PTPRD: variants seen among roughly 807,000 people sequenced by gnomAD.
The protein encoded by PTPRD is protein tyrosine phosphatase receptor type D, also known as receptor-type tyrosine-protein phosphatase delta.
PTPRD carries 34 observed loss-of-function variants against 214.5 expected under a neutral mutation model. The observed-to-expected ratio is 0.16, with a 90% confidence interval of 0.12 to 0.21. The LOEUF is 0.21. Among genes scored for constraint, PTPRD ranks in the 10% least tolerant of loss-of-function variants. PTPRD has a pLI of 1.00. For synonymous variants in PTPRD, 1,128 were observed against 845.7 expected (o/e 1.33, Z -5.79); for missense variants, 2,545 against 2,398.7 (o/e 1.06, Z -1.27).
chr9:10,120,597 G>A (rs754810495), intron 3 of PTPRD, among the ~76,000 whole-genome samples: 4 of 151,880 alleles, frequency 2.6e-5, no homozygotes, highest in Non-Finnish European at 5.9e-5. Context: ...GACACTTAGA[G>A]AAATATTAAA....
At chr9:8,968,240 C>T (rs1260014698) in intron 11 of PTPRD, among the ~76,000 whole-genome samples, 1 of 152,024 alleles carries the variant, frequency 6.6e-6, no homozygotes, top group African/African-American at 2.4e-5. Flanking sequence ...TTTACAGCAG[C>T]ATGATTTATA....
At chr9:9,889,694 C>T (rs761809269) in intron 5 of PTPRD, among the ~76,000 whole-genome samples, 6 of 152,064 alleles carry the variant, frequency 3.9e-5, no homozygotes, top group African/African-American at 1.2e-4. Flanking sequence ...CTATATTAAG[C>T]GAGCTATGTC....
intron 8 of PTPRD, among the ~76,000 whole-genome samples, chr9:9,468,781 T>G (rs568757426): frequency 2.0e-5 from 3 of 152,260 alleles, no homozygotes; most frequent in Admixed American, 2.0e-4. Flanking sequence ...GAAATTAAAT[T>G]ATAATTTTAT....
intron 8 of PTPRD, among the ~76,000 whole-genome samples, chr9:9,408,147 G>A (rs986181360): frequency 1.3e-5 from 2 of 151,730 alleles, no homozygotes; most frequent in African/African-American, 4.8e-5. Flanking sequence ...TCAGTATAGT[G>A]ATTGAATCAT....
chr9:8,507,468 A>G (rs755369768), intron 21 of PTPRD, 34 bp from the exon 22 acceptor site: 2 of 1,612,990 alleles, frequency 1.2e-6, no homozygotes, highest in Non-Finnish European at 1.7e-6. Flanking sequence ...TGAACTCACA[A>G]TCACCAGGAG....
chr9:9,020,593 G>A (rs1208423574), intron 10 of PTPRD, among the ~76,000 whole-genome samples: 2 of 152,150 alleles, frequency 1.3e-5, no homozygotes, highest in Non-Finnish European at 2.9e-5. Flanking sequence ...ATTTTCTGAG[G>A]TGGTAAAGAC....
At chr9:9,465,087 C>A (rs2094022712) in intron 8 of PTPRD, among the ~76,000 whole-genome samples, 1 of 152,166 alleles carries the variant, frequency 6.6e-6, no homozygotes. Context: ...GCCCCAATGG[C>A]TAAGCTCTGG....
At chr9:8,895,949 G>GC (rs1363306282) in intron 11 of PTPRD, among the ~76,000 whole-genome samples, 1 of 152,166 alleles carries the variant, frequency 6.6e-6, no homozygotes, top group Non-Finnish European at 1.5e-5. Context: ...AATATTTGCT[G>GC]CCCCCTGTAG....
chr9:10,037,682 C>T (rs1024767349), intron 3 of PTPRD, among the ~76,000 whole-genome samples: 1 of 151,260 alleles, frequency 6.6e-6, no homozygotes, highest in Non-Finnish European at 1.5e-5. Flanking sequence ...GAATTGACTA[C>T]TAATATTTGA....
chr9:9,243,624 T>C (rs1269914011), intron 9 of PTPRD, among the ~76,000 whole-genome samples: 1 of 152,142 alleles, frequency 6.6e-6, no homozygotes, highest in Non-Finnish European at 1.5e-5. Context: ...AAACTAGGTA[T>C]TGATGGAACG....
intron 11 of PTPRD, among the ~76,000 whole-genome samples, chr9:8,743,888 T>C (rs1316026460): frequency 6.6e-6 from 1 of 150,766 alleles, no homozygotes; most frequent in African/African-American, 2.4e-5. Context: ...AATCCATACA[T>C]CGACATAGGA....
At chr9:9,783,059 T>C (rs2098870678) in intron 5 of PTPRD, among the ~76,000 whole-genome samples, 1 of 152,186 alleles carries the variant, frequency 6.6e-6, no homozygotes, top group Non-Finnish European at 1.5e-5. Context: ...AATTATCTTG[T>C]TTAAATTCTT....
rs1038805811 is a variant in PTPRD, at chr9:10,208,476, T to C, written c.-545+132487A>G. On this transcript the variant is annotated intron_variant, in intron 3 of 45. Coordinates refer to ENST00000381196, the MANE Select transcript of PTPRD (RefSeq NM_002839.4). ...TTGCAGTGAACGGAGATCGCGCCACTGCACTCCAGCCTGGGCGACAGAGCG... is the reference window on the plus strand; with the variant it reads ...TTGCAGTGAACGGAGATCGCGCCACCGCACTCCAGCCTGGGCGACAGAGCG... Among the ~76,000 whole-genome samples the C allele has an allele frequency of 1.4e-4, 21 of 152,332 alleles. 1 individual carries two copies. Among genetic ancestry groups the C allele is most frequent in the African/African-American group, 3.8e-4 (16 of 41,580 alleles).
intron 10 of PTPRD, among the ~76,000 whole-genome samples, chr9:9,170,576 C>T (rs1030116926): frequency 7.2e-5 from 11 of 152,104 alleles, no homozygotes; most frequent in African/African-American, 2.2e-4. Flanking sequence ...ATTATATTAA[C>T]GCTGGCCCAG....
chr9:10,161,218 C>T (rs4740443), intron 3 of PTPRD, among the ~76,000 whole-genome samples: 1 of 151,604 alleles, frequency 6.6e-6, no homozygotes, highest in South Asian at 2.1e-4. Flanking sequence ...AATTTCTACA[C>T]TGTCCATGGA....
intron 44 of PTPRD, among the ~76,000 whole-genome samples, chr9:8,331,118 C>G (rs1263451308): frequency 6.6e-6 from 1 of 151,938 alleles, no homozygotes; most frequent in Admixed American, 6.6e-5. Flanking sequence ...AAGCAAATTG[C>G]ATTTTTTAAC....
At chr9:9,298,557 T>G (rs942434632) in intron 9 of PTPRD, among the ~76,000 whole-genome samples, 1 of 151,762 alleles carries the variant, frequency 6.6e-6, no homozygotes, top group African/African-American at 2.4e-5. Flanking sequence ...TGACTTTTTT[T>G]GGAAGGTTGC....
intron 7 of PTPRD, among the ~76,000 whole-genome samples, chr9:9,609,981 G>C (rs183733562): frequency 5.9e-5 from 9 of 152,272 alleles, no homozygotes; most frequent in Middle Eastern, 3.4e-3. Context: ...TTCTACTCAT[G>C]GCATATATTT....
At chr9:8,458,899 G>C (rs2096293423) in intron 33 of PTPRD, among the ~76,000 whole-genome samples, 1 of 152,016 alleles carries the variant, frequency 6.6e-6, no homozygotes, top group Non-Finnish European at 1.5e-5. Context: ...AAAAAATAAT[G>C]ATGGATATAT....
Sources: gnomAD v4.1 joint callset for allele counts (sites outside exome capture counted in the v4.1 genomes callset) on GRCh38, gnomAD v4.1.1 for gene constraint, MANE v1.5 for transcripts, NCBI Gene and HGNC (gene_info 2026-07-23, HGNC 2026-07-21) for gene names.